The following PRKAG2 variants were observed in gnomAD, a reference collection of about 807,000 sequenced individuals.
PRKAG2 encodes protein kinase AMP-activated non-catalytic subunit gamma 2.
PRKAG2 carries 26 observed loss-of-function variants against 69.6 expected under a neutral mutation model. The ratio of observed to expected loss-of-function variants is 0.37; its 90% CI spans 0.27 to 0.52. PRKAG2 has a LOEUF of 0.52. Among genes scored for constraint, PRKAG2 ranks in the 20% least tolerant of loss-of-function variants. The probability of loss-of-function intolerance (pLI) is 0.90; values close to 1 mark genes in which losing one functional copy is unlikely to be tolerated. For missense variants in PRKAG2, 557 were observed against 740.0 expected (o/e 0.75, Z 2.87); for synonymous variants, 293 against 285.0 (o/e 1.03, Z -0.28).
intron 3 of PRKAG2, among the ~76,000 whole-genome samples, chr7:151,703,994 G>A (rs1471755750): frequency 2.6e-5 from 4 of 151,836 alleles, no homozygotes; most frequent in Non-Finnish European, 4.4e-5. Flanking sequence ...CCTGGGGGGC[G>A]GAGGTTGCAG....
intron 8 of PRKAG2, among the ~76,000 whole-genome samples, chr7:151,573,864 C>T (rs1267494244): frequency 9.9e-5 from 15 of 152,104 alleles, no homozygotes; most frequent in African/African-American, 1.7e-4. Flanking sequence ...CTGCAACCTC[C>T]GCCTCCTGGG....
chr7:151,622,269 C>A (rs1821701419), intron 5 of PRKAG2, among the ~76,000 whole-genome samples: 1 of 152,234 alleles, frequency 6.6e-6, no homozygotes, highest in African/African-American at 2.4e-5. Context: ...CAATGAAACA[C>A]TGGAGTTTCG....
intron 3 of PRKAG2, among the ~76,000 whole-genome samples, chr7:151,705,165 G>A (rs1308328564): frequency 1.3e-5 from 2 of 152,176 alleles, no homozygotes; most frequent in Admixed American, 1.3e-4. Flanking sequence ...CTGAACAGAG[G>A]CCTGGTGTCT....
intron 3 of PRKAG2, among the ~76,000 whole-genome samples, chr7:151,759,638 C>T (rs959398036): frequency 6.6e-6 from 1 of 152,214 alleles, no homozygotes; most frequent in Non-Finnish European, 1.5e-5. Context: ...CTGGAAAAAA[C>T]CCAGGCAGGA....
chr7:151,832,220 GGAGGAGGGAAGGA>G (rs1318884275), intron 1 of PRKAG2, among the ~76,000 whole-genome samples: 4 of 115,000 alleles, frequency 3.5e-5, no homozygotes, highest in Non-Finnish European at 7.8e-5. Context: ...GAAGAGGAGG[GGAGGAGGGAAGGA>G]GAGGAGGAGG....
chr7:151,620,785 A>T (rs766521859), intron 5 of PRKAG2, among the ~76,000 whole-genome samples: 1 of 119,934 alleles, frequency 8.3e-6, no homozygotes, highest in Non-Finnish European at 1.8e-5. Flanking sequence ...CAGCTCCTTA[A>T]TAGATTAAAA....
intron 5 of PRKAG2, among the ~76,000 whole-genome samples, chr7:151,610,056 G>T (rs1203034597): frequency 6.6e-6 from 1 of 152,180 alleles, no homozygotes; most frequent in East Asian, 1.9e-4. Flanking sequence ...AACATACACA[G>T]GGACTGCTGC....
intron 1 of PRKAG2, among the ~76,000 whole-genome samples, chr7:151,859,020 G>A (rs1334577596): frequency 6.6e-6 from 1 of 152,204 alleles, no homozygotes; most frequent in Non-Finnish European, 1.5e-5. Flanking sequence ...GGAGTTTTCA[G>A]AAACTTCTCA....
In PRKAG2 at chr7:151,854,339, A is replaced by G. The variant is rs995604434; in HGVS notation, c.114+22168T>C. Among the ~76,000 whole-genome samples the G allele has an allele frequency of 4.6e-5, 7 of 152,192 alleles. No homozygotes were observed. In the South Asian group the frequency reaches 1.0e-3, roughly 22 times the overall value. ...TGCACATGCACACACACGTGTGCAC[A>G]CATAACCCTTCTGGACTTAGCAGCA... On this transcript the variant is annotated intron_variant, in intron 1 of 15. Coordinates refer to ENST00000287878, the MANE Select transcript of PRKAG2 (RefSeq NM_016203.4).
At chr7:151,634,906 A>G (rs1191430872) in intron 4 of PRKAG2, among the ~76,000 whole-genome samples, 1 of 151,736 alleles carries the variant, frequency 6.6e-6, no homozygotes, top group Non-Finnish European at 1.5e-5. Flanking sequence ...GATTACTTCT[A>G]CACTGCTGGT....
intron 3 of PRKAG2, among the ~76,000 whole-genome samples, chr7:151,687,405 T>C (rs1453137859): frequency 1.3e-5 from 2 of 152,226 alleles, no homozygotes; most frequent in East Asian, 1.9e-4. Context: ...TTTTCCCATA[T>C]ACAATGGTTT....
At chr7:151,748,712 T>C (rs2074462183) in intron 3 of PRKAG2, among the ~76,000 whole-genome samples, 1 of 152,236 alleles carries the variant, frequency 6.6e-6, no homozygotes, top group African/African-American at 2.4e-5. Flanking sequence ...TAAGTATCTA[T>C]AGCAGACAAA....
intron 4 of PRKAG2, among the ~76,000 whole-genome samples, chr7:151,655,433 C>A (rs1829271183): frequency 6.6e-6 from 1 of 152,186 alleles, no homozygotes; most frequent in Non-Finnish European, 1.5e-5. Flanking sequence ...AAGCCCACAG[C>A]TGCTTGGTGG....
Position 151,565,705 on chromosome 7 carries a change from G to T in PRKAG2, c.1399+15C>A. The T allele has an allele frequency of 1.2e-6, 2 of 1,609,190 alleles. No individual in the cohort carries two copies. The highest frequency in any genetic ancestry group is 1.7e-6 in the Non-Finnish European group (2 of 1,175,594). The stretch of plus-strand genomic sequence containing the variant: ...TAAACAATTATTTCTGCCTGTCAGC[G>T]CCAAACACACAAACCTGACTCATCC... On this transcript the variant is annotated intron_variant, in intron 12 of 15. Coordinates refer to ENST00000287878, the MANE Select transcript of PRKAG2 (RefSeq NM_016203.4).
In PRKAG2 at chr7:151,787,908, A is replaced by AC. The variant is rs2077093066; in HGVS notation, c.115-1368dup. On this transcript the variant is annotated intron_variant, in intron 1 of 15. Transcript: ENST00000287878. ...AGACACAGGGAGAAGACAGCTACCA[A>AC]CCCAAAGAGAGGGGCCCCAGAAAAA... 2.0e-5 allele frequency among the ~76,000 whole-genome samples: 3 copies of AC among 152,262 alleles called. No individual in the cohort carries two copies. The East Asian group carries it at 5.8e-4, about 29-fold the overall frequency.
chr7:151,637,114 A>G (rs1825869831), intron 4 of PRKAG2, among the ~76,000 whole-genome samples: 2 of 152,172 alleles, frequency 1.3e-5, no homozygotes, highest in South Asian at 4.1e-4. Context: ...TGTACTGTTT[A>G]GTTTTGCAAG....
In PRKAG2 at chr7:151,869,626, G is replaced by A. The variant is rs149478547; in HGVS notation, c.114+6881C>T. 6.5e-3 allele frequency among the ~76,000 whole-genome samples: 987 copies of A among 152,328 alleles called. 8 individuals are homozygous for A. The highest frequency in any genetic ancestry group is 0.023 in the African/African-American group (949 of 41,572). ...GTGGGTGTCCCTGCGCCCTCTGTGT[G>A]GTAGAGTCTTTGAGGAAGTGATCAC... is the stretch of plus-strand genomic sequence containing the variant. On this transcript the variant is annotated intron_variant, in intron 1 of 15. Coordinates refer to ENST00000287878, the MANE Select transcript of PRKAG2 (RefSeq NM_016203.4).
At chr7:151,717,993 G>C (rs1796435687) in intron 3 of PRKAG2, among the ~76,000 whole-genome samples, 1 of 152,172 alleles carries the variant, frequency 6.6e-6, no homozygotes, top group Admixed American at 6.5e-5. Context: ...CTTGGGAGTG[G>C]GGGGAAGGGG....
At chr7:151,697,525 G>A (rs145076095) in intron 3 of PRKAG2, among the ~76,000 whole-genome samples, 72 of 152,252 alleles carry the variant, frequency 4.7e-4, no homozygotes, top group African/African-American at 1.4e-3. Flanking sequence ...GGGAAGCCCC[G>A]GAGCCCCTGG....
Sources: allele counts gnomAD v4.1 joint callset (sites outside exome capture counted in the v4.1 genomes callset), GRCh38; gene constraint gnomAD v4.1.1; transcripts MANE v1.5; gene names NCBI Gene and HGNC (gene_info 2026-07-23, HGNC 2026-07-21).